Variants in STAG1 observed in about 807,000 individuals in gnomAD.
STAG1 encodes the protein STAG1 cohesin complex component, also known as cohesin subunit SA-1.
STAG1 carries 26 observed loss-of-function variants against 170.9 expected under a neutral mutation model. That is an observed-to-expected ratio of 0.15 (90% CI 0.11 to 0.21). STAG1 has a LOEUF of 0.21. Ranked by LOEUF, STAG1 falls within the 10% of genes least tolerant of loss-of-function variation. STAG1 has a pLI of 1.00. For synonymous variants in STAG1, 514 were observed against 497.7 expected, an observed-to-expected ratio of 1.03 and a Z score of -0.44; for missense variants, 964 against 1,509.5, an observed-to-expected ratio of 0.64 and a Z score of 5.99.
Position 136,644,445 on chromosome 3 carries a change from C to T in STAG1, c.-83-13464G>A, listed in dbSNP as rs139523830. ...AATATACTCCAGGGATGCCTCTGATCAGGTTTCTCCTCTTTATTTCTCTAG... is the reference window on the plus strand; with the variant it reads ...AATATACTCCAGGGATGCCTCTGATTAGGTTTCTCCTCTTTATTTCTCTAG... On this transcript the variant is annotated intron_variant, in intron 1 of 33. Coordinates refer to ENST00000383202, the MANE Select transcript of STAG1 (RefSeq NM_005862.3). 3.3e-3 allele frequency among the ~76,000 whole-genome samples: 503 copies of T among 152,316 alleles called. 2 individuals are homozygous for T. The highest frequency in any genetic ancestry group is 0.011 in the African/African-American group (478 of 41,572).
chr3:136,453,590 C>CAAAA (rs34324239), intron 13 of STAG1, among the ~76,000 whole-genome samples: 1 of 98,448 alleles, frequency 1.0e-5, no homozygotes. Flanking sequence ...GACTATGTCT[C>CAAAA]AAAAAAAAAA....
At chr3:136,554,799 G>A (rs1273054495) in intron 5 of STAG1, among the ~76,000 whole-genome samples, 1 of 152,094 alleles carries the variant, frequency 6.6e-6, no homozygotes, top group African/African-American at 2.4e-5. Flanking sequence ...GGAAGCTGAG[G>A]TGGGAGGATC....
At chr3:136,453,956 G>A (rs566588779) in intron 13 of STAG1, among the ~76,000 whole-genome samples, 17 of 152,002 alleles carry the variant, frequency 1.1e-4, no homozygotes, top group African/African-American at 4.1e-4. Context: ...AGGCATATTA[G>A]GGGACTAGAG....
In STAG1 at chr3:136,623,007, GA is replaced by G. The variant is rs1320489350; in HGVS notation, c.132+138del. On this transcript the variant is annotated intron_variant, in intron 3 of 33. Coordinates refer to ENST00000383202, the MANE Select transcript of STAG1 (RefSeq NM_005862.3). ...TGATCACTGCCAAGACAATTTATGT[GA>G]AAAAAAGTTTCCAATCTCTATTGTG... The G allele has an allele frequency of 4.6e-6, 3 of 652,272 alleles. No individual in the cohort carries two copies. In the South Asian group the frequency reaches 6.3e-5, roughly 14 times the overall value. 40.4% of individuals were successfully genotyped at this position (652,272 alleles called of 1,614,324 possible). A position where few individuals can be genotyped will look rare whatever the true frequency, so the allele number is the denominator to read the frequency against.
chr3:136,381,311 G>A (rs1490878667), intron 22 of STAG1, among the ~76,000 whole-genome samples: 1 of 152,116 alleles, frequency 6.6e-6, no homozygotes, highest in Non-Finnish European at 1.5e-5. Flanking sequence ...ATATTTGAAA[G>A]ATGAATGACA....
intron 7 of STAG1, among the ~76,000 whole-genome samples, chr3:136,513,124 G>C (rs552678921): frequency 6.6e-6 from 1 of 152,168 alleles, no homozygotes; most frequent in South Asian, 2.1e-4. Flanking sequence ...GGGAGGCCGA[G>C]GCAGGCAGAT....
chr3:136,648,803 G>A (rs1036487723), intron 1 of STAG1, among the ~76,000 whole-genome samples: 5 of 151,564 alleles, frequency 3.3e-5, no homozygotes, highest in Non-Finnish European at 5.9e-5. Context: ...ATAAATAAAC[G>A]CCCCTGCTGT....
chr3:136,553,395 A>G (rs1315245458), intron 5 of STAG1, among the ~76,000 whole-genome samples: 1 of 152,192 alleles, frequency 6.6e-6, no homozygotes, highest in Non-Finnish European at 1.5e-5. Context: ...AATGAATGAA[A>G]AACAATACTC....
chr3:136,678,935 A>T (rs1302139787), intron 1 of STAG1, among the ~76,000 whole-genome samples: 2 of 149,756 alleles, frequency 1.3e-5, no homozygotes, highest in African/African-American at 4.9e-5. Flanking sequence ...AGTACTAGCT[A>T]CCTGGCAGTG....
At chr3:136,431,055 C>A (rs1307868395) in intron 16 of STAG1, among the ~76,000 whole-genome samples, 1 of 151,948 alleles carries the variant, frequency 6.6e-6, no homozygotes, top group Admixed American at 6.6e-5. Context: ...AGGCATGTGC[C>A]ACCATGCCCA....
At chr3:136,635,771 C>T (rs1940526451) in intron 1 of STAG1, among the ~76,000 whole-genome samples, 2 of 152,114 alleles carry the variant, frequency 1.3e-5, no homozygotes, top group Non-Finnish European at 2.9e-5. Context: ...GCTATTATAG[C>T]AAGGTTTCAA....
At chr3:136,598,810 A>T (rs1309868420) in intron 4 of STAG1, among the ~76,000 whole-genome samples, 4 of 152,146 alleles carry the variant, frequency 2.6e-5, no homozygotes, top group Non-Finnish European at 2.9e-5. Context: ...TTTACTGTGT[A>T]TTTCAACATT....
At chr3:136,511,628 A>C (rs907934791) in intron 7 of STAG1, among the ~76,000 whole-genome samples, 6 of 152,200 alleles carry the variant, frequency 3.9e-5, no homozygotes, top group Admixed American at 2.0e-4. Flanking sequence ...CAGAAACAAC[A>C]GACAGTGAGG....
intron 3 of STAG1, among the ~76,000 whole-genome samples, chr3:136,621,674 T>C (rs1939855738): frequency 6.6e-6 from 1 of 152,158 alleles, no homozygotes; most frequent in South Asian, 2.1e-4. Context: ...ACAAGAAGTC[T>C]TTCATCTTGT....
At chr3:136,588,088 C>A (rs1019780361) in intron 4 of STAG1, among the ~76,000 whole-genome samples, 15 of 152,166 alleles carry the variant, frequency 9.9e-5, no homozygotes, top group African/African-American at 3.6e-4. Flanking sequence ...TAACATCTTT[C>A]CCTCATAAAA....
Position 136,447,102 on chromosome 3 carries a change from C to A in STAG1, c.1429-3698G>T, listed in dbSNP as rs551426020. The stretch of plus-strand genomic sequence containing the variant: ...TACAGGCGTGAGCCATCGTGCCTGG[C>A]ATTTTTGGGAAATTTCTTAAAAATA... On this transcript the variant is annotated intron_variant, in intron 14 of 33. Coordinates refer to ENST00000383202, the MANE Select transcript of STAG1 (RefSeq NM_005862.3). 6.0e-3 allele frequency among the ~76,000 whole-genome samples: 909 copies of A among 151,972 alleles called. 10 individuals are homozygous for A. Among genetic ancestry groups the A allele is most frequent in the Admixed American group, 0.017 (266 of 15,286 alleles).
At chr3:136,690,119 C>T (rs952057606) in intron 1 of STAG1, among the ~76,000 whole-genome samples, 1 of 145,666 alleles carries the variant, frequency 6.9e-6, no homozygotes, top group African/African-American at 2.6e-5. Flanking sequence ...GTTAGTCTAA[C>T]CCTGAATGTC....
At chr3:136,654,909 T>C (rs1941326758) in intron 1 of STAG1, among the ~76,000 whole-genome samples, 1 of 152,168 alleles carries the variant, frequency 6.6e-6, no homozygotes, top group African/African-American at 2.4e-5. Flanking sequence ...AGGACAGTCG[T>C]TTCAACACAT....
intron 9 of STAG1, among the ~76,000 whole-genome samples, chr3:136,478,830 G>C (rs1043894335): frequency 1.1e-4 from 16 of 152,202 alleles, no homozygotes; most frequent in Non-Finnish European, 2.1e-4. Flanking sequence ...TAAAAGTACA[G>C]GCTCTGGAGG....
Sources: allele counts gnomAD v4.1 joint callset (sites outside exome capture counted in the v4.1 genomes callset), GRCh38; gene constraint gnomAD v4.1.1; transcripts MANE v1.5; gene names NCBI Gene and HGNC (gene_info 2026-07-23, HGNC 2026-07-21).